MED14: variants seen among roughly 807,000 people sequenced by gnomAD.
MED14 encodes the protein mediator complex subunit 14.
In MED14, 8 loss-of-function variants were observed where a neutral mutation model predicts 109.0. That is an observed-to-expected ratio of 0.07 (90% CI 0.04 to 0.13). The LOEUF is 0.13. MED14 is among the 10% of genes least tolerant of loss of function. The probability of loss-of-function intolerance (pLI) is 1.00; values close to 1 mark genes in which losing one functional copy is unlikely to be tolerated. For synonymous variants in MED14, 399 were observed against 408.7 expected (o/e 0.98, Z 0.29); for missense variants, 711 against 1,142.4 (o/e 0.62, Z 5.44).
At chrX:40,685,236 T>A (rs868058663) in intron 16 of MED14, among the ~76,000 whole-genome samples, 1 of 111,657 alleles carries the variant, frequency 9.0e-6, no homozygotes, top group Non-Finnish European at 1.9e-5. Context: ...CTAAACAAAT[T>A]GAGGAGCCAG....
At chrX:40,712,773 A>C in intron 6 of MED14, 141 bp downstream of exon 6, 1 of 569,265 alleles carries the variant, frequency 1.8e-6, no homozygotes, top group Non-Finnish European at 2.6e-6. Flanking sequence ...TCCTGAGCTC[A>C]AGCGATCCAC....
At chrX:40,700,522 GC>G (rs751428694) in intron 12 of MED14, among the ~76,000 whole-genome samples, 8 of 109,203 alleles carry the variant, frequency 7.3e-5, no homozygotes, top group Admixed American at 5.9e-4. Flanking sequence ...TTTAGATACC[GC>G]CCCCCCACCG....
At chrX:40,716,818 CT>C (rs891415835) in intron 3 of MED14, among the ~76,000 whole-genome samples, 3 of 111,583 alleles carry the variant, frequency 2.7e-5, no homozygotes, top group Non-Finnish European at 5.6e-5. Flanking sequence ...CAATGGAATA[CT>C]ATTCAGCCAT....
intron 13 of MED14, among the ~76,000 whole-genome samples, chrX:40,696,709 T>TAA (rs1468678809): frequency 9.0e-6 from 1 of 111,638 alleles, no homozygotes; most frequent in African/African-American, 3.3e-5. Flanking sequence ...GTGAAACAAG[T>TAA]TTATCTGACA....
At chrX:40,688,858 A>C (rs935772702) in intron 15 of MED14, among the ~76,000 whole-genome samples, 1 of 112,210 alleles carries the variant, frequency 8.9e-6, no homozygotes, top group Non-Finnish European at 1.9e-5. Flanking sequence ...AGGCCACAAG[A>C]ATGGTTTCTC....
intron 19 of MED14, among the ~76,000 whole-genome samples, chrX:40,681,623 T>C (rs1486408548): frequency 3.6e-5 from 4 of 111,780 alleles, no homozygotes; most frequent in African/African-American, 1.3e-4. Context: ...CTTGTCCAAA[T>C]TGCTTCAAGA....
chrX:40,718,977 T>TA (rs1303902153), intron 3 of MED14, among the ~76,000 whole-genome samples: 1 of 112,345 alleles, frequency 8.9e-6, no homozygotes, highest in Non-Finnish European at 1.9e-5. Context: ...TGTTTAATAA[T>TA]AATCTCCTTT....
At chrX:40,692,966 C>A in intron 13 of MED14, 64 bp from the exon 14 acceptor site, 1 of 807,515 alleles carries the variant, frequency 1.2e-6, no homozygotes. Context: ...TTCCTCCGTA[C>A]ATCATCAAGT....
rs757242771 is a variant in MED14, at chrX:40,654,998, G to A, written c.4035C>T (p.Ser1345=). The A allele has an allele frequency of 9.9e-6, 12 of 1,208,605 alleles. No homozygotes were observed. Among genetic ancestry groups the A allele is most frequent in the Admixed American group, 8.8e-5 (4 of 45,692 alleles). The change falls in exon 29 of 31, where the codon AGC becomes AGT. Residue 1345 remains serine (S), a synonymous_variant. Coordinates refer to ENST00000324817, the MANE Select transcript of MED14 (RefSeq NM_004229.4). ...TCCCAGGAGGTGCAATCGGCGGCGC[G>A]CTGGGAGGGATCGTCAGGCAAAACT... ...NVQFCLTIPP[S]APPIAPPGTP...
At chrX:40,725,705 C>T (rs1184554539) in intron 3 of MED14, among the ~76,000 whole-genome samples, 2 of 111,589 alleles carry the variant, frequency 1.8e-5, no homozygotes, top group African/African-American at 3.3e-5. Context: ...CCATATTTGA[C>T]GGACCCACAG....
intron 12 of MED14, 96 bp from the exon 13 acceptor site, chrX:40,697,279 A>C: frequency 2.0e-6 from 1 of 497,965 alleles, no homozygotes; most frequent in Admixed American, 3.9e-5. Flanking sequence ...TTAAAAAAAC[A>C]ATTAATTGAA....
intron 10 of MED14, among the ~76,000 whole-genome samples, chrX:40,707,081 C>T (rs1410145705): frequency 3.7e-5 from 4 of 106,879 alleles, no homozygotes; most frequent in Non-Finnish European, 7.7e-5. Flanking sequence ...TTCAGCAGGC[C>T]ATGGACTTAA....
In MED14 at chrX:40,673,967, T is replaced by C. The variant is rs1411024720; in HGVS notation, c.3021+1254A>G. Among the ~76,000 whole-genome samples, 3 of 111,313 alleles carry C rather than the reference T, an allele frequency of 2.7e-5. No homozygotes were observed. The South Asian group carries it at 1.1e-3, about 42-fold the overall frequency. On this transcript the variant is annotated intron_variant, in intron 22 of 30. Transcript: ENST00000324817. ...TATAACATTGGCCCTGCTACGGCCA[T>C]GGTCATCAGCCAGCCCAACTCAGTT...
At position 40,656,314 on chromosome X, in the gene MED14, A is replaced by G. The variant is rs554223581; in HGVS notation, c.3973-1254T>C. ...CAAAACACAAATGAAAAACGCGGAAAAAATATTTACAATGAATATCCCAAG... is the reference window on the plus strand; with the variant it reads ...CAAAACACAAATGAAAAACGCGGAAGAAATATTTACAATGAATATCCCAAG... On this transcript the variant is annotated intron_variant, in intron 28 of 30. Coordinates refer to ENST00000324817, the MANE Select transcript of MED14 (RefSeq NM_004229.4). Among the ~76,000 whole-genome samples, 45 of 111,981 alleles carry G rather than the reference A, an allele frequency of 4.0e-4. 1 individual carries two copies. In the South Asian group the frequency reaches 0.016, roughly 41 times the overall value.
intron 24 of MED14, among the ~76,000 whole-genome samples, chrX:40,666,265 T>C (rs1268527281): frequency 2.7e-5 from 3 of 111,783 alleles, no homozygotes; most frequent in African/African-American, 9.8e-5. Context: ...AAACCTTTCA[T>C]TGACTACTTG....
At chrX:40,712,625 G>A (rs781470547) in intron 6 of MED14, among the ~76,000 whole-genome samples, 1 of 111,003 alleles carries the variant, frequency 9.0e-6, no homozygotes, top group African/African-American at 3.3e-5. Flanking sequence ...AACCTCCCTG[G>A]GCTCAGGTGA....
intron 28 of MED14, among the ~76,000 whole-genome samples, chrX:40,657,751 G>C (rs1371009284): frequency 8.9e-6 from 1 of 111,806 alleles, no homozygotes; most frequent in African/African-American, 3.3e-5. Context: ...TGCTGCCCAC[G>C]GAGCATCTTG....
In MED14 at chrX:40,648,686, T is replaced by C. The variant is rs192393405; in HGVS notation, c.*3120A>G. The C allele has an allele frequency of 4.4e-5, 5 of 112,648 alleles. No homozygotes were observed. The Admixed American group carries it at 4.7e-4, about 11-fold the overall frequency. 9.3% of individuals were successfully genotyped at this position (112,648 alleles called of 1,213,427 possible). A position where few individuals can be genotyped will look rare whatever the true frequency, so the allele number is the denominator to read the frequency against. ...CTATTATTTTATATTGACCTAAATA[T>C]GCCCTTTCATCAATCAGTTATATTC... is the stretch of plus-strand genomic sequence containing the variant. On this transcript the variant is annotated 3_prime_UTR_variant, in exon 31 of 31. Transcript: ENST00000324817.
At chrX:40,719,497 A>C (rs1931644182) in intron 3 of MED14, among the ~76,000 whole-genome samples, 1 of 111,723 alleles carries the variant, frequency 9.0e-6, no homozygotes, top group African/African-American at 3.3e-5. Flanking sequence ...TACCACATGA[A>C]TCAATCTTGA....
Sources: gnomAD v4.1 joint callset for allele counts (sites outside exome capture counted in the v4.1 genomes callset) on GRCh38, gnomAD v4.1.1 for gene constraint, MANE v1.5 for transcripts, NCBI Gene and HGNC (gene_info 2026-07-23, HGNC 2026-07-21) for gene names.